The following MTFR1 variants were observed in gnomAD, a reference collection of about 807,000 sequenced individuals.
MTFR1 encodes mitochondrial fission regulator 1, also known as chondrocyte protein with a poly-proline region.
A neutral mutation model predicts 38.8 loss-of-function variants in MTFR1; 28 were observed. The ratio of observed to expected loss-of-function variants is 0.72; its 90% CI spans 0.53 to 0.99. The LOEUF (loss-of-function observed/expected upper bound fraction) is 0.99. Ranked by LOEUF, MTFR1 falls within the 50% of genes least tolerant of loss-of-function variation. MTFR1 has a pLI of 0.00. For missense variants in MTFR1, 358 were observed against 395.5 expected, an observed-to-expected ratio of 0.91 and a Z score of 0.81; for synonymous variants, 145 against 137.0, an observed-to-expected ratio of 1.06 and a Z score of -0.41.
At chr8:65,649,863 G>C (rs1216004134) in intron 1 of MTFR1, among the ~76,000 whole-genome samples, 4 of 150,702 alleles carry the variant, frequency 2.7e-5, no homozygotes, top group African/African-American at 9.8e-5. Flanking sequence ...TTTTGAGATG[G>C]AGTCTCGCTC....
intron 3 of MTFR1, among the ~76,000 whole-genome samples, chr8:65,723,946 C>G (rs1187261958): frequency 6.6e-6 from 1 of 152,120 alleles, no homozygotes. Context: ...TTTACATGTT[C>G]ATATGGCCCT....
At chr8:65,676,424 C>T (rs566049130) in intron 2 of MTFR1, among the ~76,000 whole-genome samples, 86 of 152,240 alleles carry the variant, frequency 5.6e-4, no homozygotes, top group African/African-American at 1.4e-3. Context: ...AGTGCAGTGG[C>T]GCATTCTTGG....
At chr8:65,739,368 T>C in intron 3 of MTFR1, 2 of 976,658 alleles carry the variant, frequency 2.0e-6, no homozygotes, top group East Asian at 3.6e-5. Flanking sequence ...TAAATAACTG[T>C]GTGTTGTTTT....
intron 1 of MTFR1, among the ~76,000 whole-genome samples, chr8:65,663,657 A>G (rs1804278690): frequency 6.6e-6 from 1 of 151,942 alleles, no homozygotes; most frequent in African/African-American, 2.4e-5. Flanking sequence ...AATACCAATT[A>G]TTACTGACAA....
chr8:65,673,979 C>A (rs1253775873), intron 2 of MTFR1, among the ~76,000 whole-genome samples: 1 of 152,216 alleles, frequency 6.6e-6, no homozygotes, highest in African/African-American at 2.4e-5. Flanking sequence ...ATGAAGTGAG[C>A]ACATGCTGTT....
At chr8:65,682,028 A>G (rs1008452232) in intron 2 of MTFR1, 1 of 157,860 alleles carries the variant, frequency 6.3e-6, no homozygotes, top group African/African-American at 2.4e-5. Flanking sequence ...GAGATAAAAT[A>G]GTGTTTCTGT....
chr8:65,710,311 A>AAAT lies in MTFR1; in HGVS notation c.*1268_*1270dup, dbSNP rs1805908190. The AAAT allele has an allele frequency of 6.6e-6, 1 of 152,304 alleles. No homozygotes were observed. Among genetic ancestry groups the AAAT allele is most frequent in the African/African-American group, 2.4e-5 (1 of 41,454 alleles). The allele number at this position is 152,304 out of a possible 1,614,324, so 9.4% of individuals were successfully genotyped here. ...AAATATTAACAAAAATGATTTGGGG[A>AAAT]AATGACATGGCTTGATTGTTCTGTT... On this transcript the variant is annotated 3_prime_UTR_variant, in exon 8 of 8. Coordinates refer to ENST00000262146, the MANE Select transcript of MTFR1 (RefSeq NM_014637.4).
intron 3 of MTFR1, among the ~76,000 whole-genome samples, chr8:65,751,014 T>C (rs1217208464): frequency 2.0e-5 from 3 of 152,192 alleles, no homozygotes; most frequent in African/African-American, 7.2e-5. Flanking sequence ...CACTTAATGA[T>C]ATAGGACCAC....
At chr8:65,743,209 A>G (rs139455548) in intron 3 of MTFR1, among the ~76,000 whole-genome samples, 2 of 152,302 alleles carry the variant, frequency 1.3e-5, no homozygotes, top group East Asian at 3.9e-4. Context: ...AATACCTAAA[A>G]TAATATTTGT....
chr8:65,693,547 A>G, intron 3 of MTFR1, 97 bp from the exon 4 acceptor site: 1 of 880,974 alleles, frequency 1.1e-6, no homozygotes, highest in Non-Finnish European at 1.8e-6. Flanking sequence ...ATGTGTTTTT[A>G]ACACCAGAGC....
Position 65,693,757 on chromosome 8 carries a change from A to G in MTFR1, c.279A>G (p.Leu93=). 6.2e-7 allele frequency: 1 copy of G among 1,612,660 alleles called. No individual in the cohort carries two copies. The change falls in exon 4 of 8, where the codon CTA becomes CTG. Residue 93 remains leucine, a splice_region_variant and synonymous_variant. Transcript: ENST00000262146. ...AAGAAGGAGAGTGTTCAGCAAGACTAAGGTTAGTTTGGAAGGCTATCAGAA... is the reference window on the plus strand; with the variant it reads ...AAGAAGGAGAGTGTTCAGCAAGACTGAGGTTAGTTTGGAAGGCTATCAGAA... ...AKEEGECSAR[L]RTEVRSRPPL... is the part of the protein sequence containing the mutation.
chr8:65,686,995 A>C lies in MTFR1; in HGVS notation c.165+4544A>C, dbSNP rs536937810. ...CATCTCAGGCAGTTGATCTCTTAAA[A>C]GTCTTGTATTTCCACAAGGATACTG... is the stretch of plus-strand genomic sequence containing the variant. On this transcript the variant is annotated intron_variant, in intron 3 of 7. Coordinates refer to ENST00000262146, the MANE Select transcript of MTFR1 (RefSeq NM_014637.4). Among the ~76,000 whole-genome samples the C allele has an allele frequency of 2.6e-5, 4 of 152,274 alleles. No homozygotes were observed. The South Asian group carries it at 8.3e-4, about 32-fold the overall frequency.
chr8:65,733,335 G>T (rs543943225), intron 3 of MTFR1, among the ~76,000 whole-genome samples: 1 of 152,276 alleles, frequency 6.6e-6, no homozygotes, highest in Admixed American at 6.5e-5. Context: ...TAACCCTTTT[G>T]TGTGCTGCAG....
chr8:65,692,041 G>T (rs1360568423), intron 3 of MTFR1, among the ~76,000 whole-genome samples: 1 of 152,194 alleles, frequency 6.6e-6, no homozygotes, highest in Non-Finnish European at 1.5e-5. Context: ...GGCAATGATG[G>T]CATTGAGGAG....
chr8:65,706,983 TAA>T, intron 5 of MTFR1, 25 bp from the exon 6 acceptor site: 7 of 1,558,402 alleles, frequency 4.5e-6, no homozygotes, highest in Non-Finnish European at 6.1e-6. Flanking sequence ...CCAGTGGGAT[TAA>T]GTTTGTTTTC....
At chr8:65,651,665 GT>G (rs1364313081) in intron 1 of MTFR1, among the ~76,000 whole-genome samples, 2 of 151,838 alleles carry the variant, frequency 1.3e-5, no homozygotes, top group Non-Finnish European at 2.9e-5. Context: ...CTATGTGTCT[GT>G]TTTTATGCTA....
rs748716398 is a variant in MTFR1, at chr8:65,707,170, T to A, written c.678T>A (p.Val226=). Residue 226 remains valine, a synonymous_variant, in exon 6 of 8, where the codon GTT becomes GTA. Coordinates refer to ENST00000262146, the MANE Select transcript of MTFR1 (RefSeq NM_014637.4). Reference sequence around the variant, plus strand: ...GAGCCAATGCTGGAAAGACTTTGGTTAAGAACAATCCAAAGAAACCTGAAA... The same window carrying A: ...GAGCCAATGCTGGAAAGACTTTGGTAAAGAACAATCCAAAGAAACCTGAAA... ...EKRANAGKTL[V]KNNPKKPEMP... 4 of 1,614,052 alleles carry A rather than the reference T, an allele frequency of 2.5e-6. No individual in the cohort carries two copies. The highest frequency in any genetic ancestry group is 3.4e-6 in the Non-Finnish European group (4 of 1,180,022).
At chr8:65,706,407 C>T (rs888192699) in intron 5 of MTFR1, among the ~76,000 whole-genome samples, 3 of 152,120 alleles carry the variant, frequency 2.0e-5, no homozygotes, top group Non-Finnish European at 4.4e-5. Context: ...TAGGTCCTTA[C>T]TTCATTTCCA....
intron 6 of MTFR1, 65 bp downstream of exon 6, chr8:65,707,321 T>G (rs1805813767): frequency 9.9e-6 from 15 of 1,519,664 alleles, no homozygotes; most frequent in African/African-American, 1.4e-5. Flanking sequence ...GTACCAGGCT[T>G]CTTGAGGAAT....
Sources: allele counts gnomAD v4.1 joint callset (sites outside exome capture counted in the v4.1 genomes callset), GRCh38; gene constraint gnomAD v4.1.1; transcripts MANE v1.5; gene names NCBI Gene and HGNC (gene_info 2026-07-23, HGNC 2026-07-21).